TLR2: variants seen among roughly 807,000 people sequenced by gnomAD.
The protein encoded by TLR2 is toll-like receptor 2.
Under a neutral mutation model 9.1 loss-of-function variants are expected in TLR2, and 7 were observed. The ratio of observed to expected loss-of-function variants is 0.77; its 90% CI spans 0.44 to 1.44. TLR2 has a LOEUF of 1.44. TLR2 is among the 40% of genes most tolerant of loss of function. The pLI is 0.01. For synonymous variants in TLR2, 317 were observed against 344.6 expected (o/e 0.92, Z 0.89); for missense variants, 812 against 904.6 (o/e 0.90, Z 1.31).
rs56151932 is a variant in TLR2 at position 153,686,791 on chromosome 4, C to A, written c.-162-1111C>A. Among the ~76,000 whole-genome samples the A allele has an allele frequency of 4.6e-5, 7 of 152,102 alleles. No homozygotes were observed. The South Asian group carries it at 1.2e-3, about 27-fold the overall frequency. ...CATAGTGGGAGATTTTATCATACAT[C>A]TCTCAGTAACTGATAGAAAAACCAG... On this transcript the variant is annotated intron_variant, in intron 1 of 2. Coordinates refer to ENST00000642700, the MANE Select transcript of TLR2 (RefSeq NM_001318789.2).
intron 1 of TLR2, among the ~76,000 whole-genome samples, chr4:153,687,002 T>G (rs55746732): frequency 3.9e-5 from 6 of 152,164 alleles, no homozygotes; most frequent in South Asian, 2.1e-4. Flanking sequence ...CTGACCATAA[T>G]GCAATTAAAG....
chr4:153,710,066 C>G, downstream of TLR2: 1 of 206,728 alleles, frequency 4.8e-6, no homozygotes, highest in Non-Finnish European at 9.7e-6. Flanking sequence ...ACCTCTGAAA[C>G]ACTTTACAGA....
At chr4:153,700,064 T>TAGTGAGAGAGGG (rs1736777466) in intron 2 of TLR2, among the ~76,000 whole-genome samples, 2 of 152,156 alleles carry the variant, frequency 1.3e-5, no homozygotes, top group Admixed American at 6.5e-5. Context: ...GCATGTCATA[T>TAGTGAGAGAGGG]AGTGAGAGAG....
intron 2 of TLR2, among the ~76,000 whole-genome samples, chr4:153,693,597 G>A (rs1017038915): frequency 5.9e-5 from 9 of 152,298 alleles, no homozygotes; most frequent in African/African-American, 1.7e-4. Context: ...GAAATAATGA[G>A]GGGGTGCAGA....
intron 2 of TLR2, 130 bp from the exon 3 acceptor site, chr4:153,702,762 T>TTG (rs141605367): frequency 0.056 from 23,170 of 411,644 alleles, 405 homozygotes; most frequent in South Asian, 0.089. Flanking sequence ...CTCTCTCTCT[T>TTG]TGTGTGTGTG....
chr4:153,705,526 C>G lies in TLR2; in HGVS notation c.*264C>G. On this transcript the variant is annotated 3_prime_UTR_variant, in exon 3 of 3. Transcript: ENST00000642700. Reference sequence around the variant, plus strand: ...CTATTACTGATATCTGAATATAGTCCCTTGGTATCCAAGGGAATTGGTTGC... The same window carrying G: ...CTATTACTGATATCTGAATATAGTCGCTTGGTATCCAAGGGAATTGGTTGC... 3.5e-6 allele frequency: 1 copy of G among 289,502 alleles called. No homozygotes were observed. Among genetic ancestry groups the G allele is most frequent in the Non-Finnish European group, 6.8e-6 (1 of 147,054 alleles). 17.9% of individuals were successfully genotyped at this position (289,502 alleles called of 1,614,324 possible). A position where few individuals can be genotyped will look rare whatever the true frequency, so the allele number is the denominator to read the frequency against.
chr4:153,708,136 T>C (rs1392908771), downstream of TLR2, among the ~76,000 whole-genome samples: 3 of 152,230 alleles, frequency 2.0e-5, no homozygotes, highest in Non-Finnish European at 4.4e-5. Context: ...CTTCATTTTT[T>C]TCTGAGGCTG....
At chr4:153,710,508 G>T (rs1737496931), downstream of TLR2, 3 of 1,607,544 alleles carry the variant, frequency 1.9e-6, no homozygotes, top group South Asian at 1.1e-5. Context: ...CAGTTAAGGA[G>T]GTTGTTCTAT....
In TLR2 at chr4:153,705,337, A is replaced by G. The variant is rs1410936877; in HGVS notation, c.*75A>G. 2.1e-6 allele frequency: 3 copies of G among 1,411,918 alleles called. No individual in the cohort carries two copies. Among genetic ancestry groups the G allele is most frequent in the East Asian group, 2.4e-5 (1 of 41,632 alleles). 87.5% of individuals were successfully genotyped at this position (1,411,918 alleles called of 1,614,324 possible). ...TAGTTATAGTTAAGTTCATTCAGAC[A>G]TAATTATATAAAAACTACGTGGATG... On this transcript the variant is annotated 3_prime_UTR_variant, in exon 3 of 3. Transcript: ENST00000642700.
intron 1 of TLR2, among the ~76,000 whole-genome samples, chr4:153,686,759 C>T (rs1465122060): frequency 1.3e-5 from 2 of 152,098 alleles, no homozygotes; most frequent in Non-Finnish European, 1.5e-5. Context: ...ATAGAAAAAT[C>T]CACAATCATA....
intron 2 of TLR2, among the ~76,000 whole-genome samples, chr4:153,697,625 C>T (rs545884796): frequency 6.6e-6 from 1 of 152,154 alleles, no homozygotes; most frequent in South Asian, 2.1e-4. Flanking sequence ...AACCTTTTGA[C>T]GTTGAACAAA....
At chr4:153,690,082 C>T (rs995082055) in intron 2 of TLR2, among the ~76,000 whole-genome samples, 1 of 152,206 alleles carries the variant, frequency 6.6e-6, no homozygotes, top group African/African-American at 2.4e-5. Flanking sequence ...ATAACCTCTA[C>T]CCCAAGTTAT....
downstream of TLR2, chr4:153,710,613 G>A: frequency 1.1e-6 from 1 of 941,984 alleles, no homozygotes; most frequent in Non-Finnish European, 1.6e-6. Flanking sequence ...AATTCTATGT[G>A]CTCAATTAAA....
Position 153,687,989 on chromosome 4 carries a change from G to T in TLR2, c.-75G>T, listed in dbSNP as rs1488300976. On this transcript the variant is annotated 5_prime_UTR_variant, in exon 2 of 3. Transcript: ENST00000642700. ...AGGAGCTCTTAGTGACCAAGTGAAG[G>T]TACCTGTGGGGCTCATTGTGCCCAT... is the stretch of plus-strand genomic sequence containing the variant. 4 of 152,232 alleles carry T rather than the reference G, an allele frequency of 2.6e-5. No individual in the cohort carries two copies. In the East Asian group the frequency reaches 7.7e-4, roughly 29 times the overall value. The allele number at this position is 152,232 out of a possible 1,614,324, so 9.4% of individuals were successfully genotyped here. A position where few individuals can be genotyped will look rare whatever the true frequency, so the allele number is the denominator to read the frequency against.
chr4:153,684,313 AGGCGGCTGCTCGGCGTTCTCTC>A lies in TLR2; in HGVS notation c.-209_-188del. 9.5e-6 allele frequency: 1 copy of A among 104,750 alleles called. No individual in the cohort carries two copies. Among genetic ancestry groups the A allele is most frequent in the East Asian group, 4.0e-4 (1 of 2,474 alleles). The allele number at this position is 104,750 out of a possible 1,614,324, so 6.5% of individuals were successfully genotyped here. A position where few individuals can be genotyped will look rare whatever the true frequency, so the allele number is the denominator to read the frequency against. On this transcript the variant is annotated 5_prime_UTR_variant, in exon 1 of 3. Coordinates refer to ENST00000642700, the MANE Select transcript of TLR2 (RefSeq NM_001318789.2). ...TCGGAGGCAGCGAGAAAGCGCAGCC[AGGCGGCTGCTCGGCGTTCTCTC>A]AGGTGACTGCTCGGAGTTCTCCCAG...
chr4:153,708,840 C>T (rs1327713933), downstream of TLR2, among the ~76,000 whole-genome samples: 1 of 152,172 alleles, frequency 6.6e-6, no homozygotes, highest in Non-Finnish European at 1.5e-5. Context: ...CAAGAAAAAA[C>T]TATGCTTTGT....
downstream of TLR2, among the ~76,000 whole-genome samples, chr4:153,709,638 T>G (rs182892254): frequency 3.3e-5 from 5 of 152,352 alleles, no homozygotes; most frequent in African/African-American, 9.6e-5. Context: ...TATGATAGGA[T>G]TTCGGGTATT....
chr4:153,695,137 C>T (rs758618721), intron 2 of TLR2, among the ~76,000 whole-genome samples: 35 of 152,148 alleles, frequency 2.3e-4, no homozygotes, highest in African/African-American at 2.4e-5. Context: ...TAAACATGGG[C>T]GTGCAGATAT....
At chr4:153,684,649 C>G (rs1735551651) in intron 1 of TLR2, among the ~76,000 whole-genome samples, 1 of 152,170 alleles carries the variant, frequency 6.6e-6, no homozygotes, top group Non-Finnish European at 1.5e-5. Flanking sequence ...AAAGGGAGCC[C>G]GAGGGTCCTG....
Sources: gnomAD v4.1 joint callset for allele counts (sites outside exome capture counted in the v4.1 genomes callset) on GRCh38, gnomAD v4.1.1 for gene constraint, MANE v1.5 for transcripts, NCBI Gene and HGNC (gene_info 2026-07-23, HGNC 2026-07-21) for gene names.